Variants in PLCL2 observed in about 807,000 individuals in gnomAD.
PLCL2 encodes the protein inactive phospholipase C-like protein 2.
Under a neutral mutation model 79.6 loss-of-function variants are expected in PLCL2, and 4 were observed. The ratio of observed to expected loss-of-function variants is 0.05; its 90% CI spans 0.02 to 0.11. PLCL2 has a LOEUF of 0.11. Ranked by LOEUF, PLCL2 falls within the 10% of genes least tolerant of loss-of-function variation. The pLI is 1.00. For missense variants in PLCL2, 895 were observed against 1,291.0 expected (o/e 0.69, Z 4.70); for synonymous variants, 484 against 457.7 (o/e 1.06, Z -0.73).
intron 5 of PLCL2, among the ~76,000 whole-genome samples, chr3:17,081,702 A>C (rs897299083): frequency 6.6e-6 from 1 of 152,208 alleles, no homozygotes; most frequent in African/African-American, 2.4e-5. Flanking sequence ...AGCTGCCATC[A>C]TTCTTTTCCT....
chr3:17,029,317 C>A (rs1189174207), intron 3 of PLCL2, among the ~76,000 whole-genome samples: 2 of 151,498 alleles, frequency 1.3e-5, no homozygotes, highest in Non-Finnish European at 2.9e-5. Context: ...ATCTGCAATT[C>A]CCTCCTTAAA....
At chr3:16,982,922 A>G (rs1232788883) in intron 1 of PLCL2, among the ~76,000 whole-genome samples, 1 of 152,202 alleles carries the variant, frequency 6.6e-6, no homozygotes, top group Non-Finnish European at 1.5e-5. Flanking sequence ...CTGTGGCCTC[A>G]CCCATATCTA....
At position 17,005,225 on chromosome 3, in the gene PLCL2, G is replaced by A. The variant is rs560225278; in HGVS notation, c.328-4449G>A. 4.0e-4 allele frequency among the ~76,000 whole-genome samples: 61 copies of A among 152,230 alleles called. 1 individual carries two copies. In the South Asian group the frequency reaches 0.011, roughly 28 times the overall value. On this transcript the variant is annotated intron_variant, in intron 1 of 5. Coordinates refer to ENST00000615277, the MANE Select transcript of PLCL2 (RefSeq NM_001144382.2). ...CAGGAGGTAATTTTCTTCCAGCAGGGCATTAACTATCTGTGTGCCCTTAGA... is the reference window on the plus strand; with the variant it reads ...CAGGAGGTAATTTTCTTCCAGCAGGACATTAACTATCTGTGTGCCCTTAGA...
intron 3 of PLCL2, among the ~76,000 whole-genome samples, chr3:17,032,789 G>A (rs17272789): frequency 2.0e-5 from 3 of 152,126 alleles, no homozygotes; most frequent in African/African-American, 7.2e-5. Context: ...TGGTTATTGA[G>A]TGAATGCAGG....
At chr3:17,038,871 A>G (rs1287676655) in intron 3 of PLCL2, among the ~76,000 whole-genome samples, 3 of 152,150 alleles carry the variant, frequency 2.0e-5, no homozygotes, top group Non-Finnish European at 2.9e-5. Context: ...GTCAAGACCT[A>G]TAATGGTTTT....
chr3:16,924,679 T>C (rs1269086913), intron 1 of PLCL2, among the ~76,000 whole-genome samples: 1 of 152,190 alleles, frequency 6.6e-6, no homozygotes, highest in Non-Finnish European at 1.5e-5. Context: ...TAAAGGTCAT[T>C]GGCAGAGAAA....
intron 1 of PLCL2, chr3:16,933,226 C>T (rs1404508225): frequency 3.2e-5 from 5 of 154,782 alleles, no homozygotes; most frequent in Admixed American, 1.3e-4. Flanking sequence ...GTGACGTGCT[C>T]CATCACCGGG....
At chr3:17,032,322 C>CT (rs1436129769) in intron 3 of PLCL2, among the ~76,000 whole-genome samples, 1 of 152,044 alleles carries the variant, frequency 6.6e-6, no homozygotes, top group Non-Finnish European at 1.5e-5. Flanking sequence ...CCTTTTAAAT[C>CT]TAAGTTTGGT....
chr3:17,012,553 T>C (rs529589472), intron 2 of PLCL2, among the ~76,000 whole-genome samples: 178 of 152,368 alleles, frequency 1.2e-3, no homozygotes, highest in African/African-American at 4.0e-3. Context: ...GTAAAATGGA[T>C]GTGATCCAGT....
chr3:16,899,648 C>A (rs765271588), intron 1 of PLCL2, among the ~76,000 whole-genome samples: 1 of 151,990 alleles, frequency 6.6e-6, no homozygotes, highest in Non-Finnish European at 1.5e-5. Context: ...TATGTCTTTT[C>A]GGGACCAGGG....
rs1200349347 is a variant in PLCL2, at chr3:17,009,053, C to A, written c.328-621C>A. 2.6e-5 allele frequency among the ~76,000 whole-genome samples: 4 copies of A among 151,724 alleles called. No individual in the cohort carries two copies. The highest frequency in any genetic ancestry group is 9.7e-5 in the African/African-American group (4 of 41,246). On this transcript the variant is annotated intron_variant, in intron 1 of 5. Transcript: ENST00000615277. This position sits in a 1 kb window ranked among gnomAD's most constrained non-coding sequence, Gnocchi z 4.0. ...AGGCTGGAGTGCAGTGACACAATCT[C>A]AGCTCACTGCAACCTTTGCCTCACG...
chr3:17,014,283 T>C (rs1259397933), intron 2 of PLCL2, among the ~76,000 whole-genome samples: 1 of 152,228 alleles, frequency 6.6e-6, no homozygotes, highest in Non-Finnish European at 1.5e-5. Context: ...CAAATATTTC[T>C]TTCCCTTTTG....
chr3:16,901,184 T>A (rs1696608865), intron 1 of PLCL2, among the ~76,000 whole-genome samples: 1 of 152,264 alleles, frequency 6.6e-6, no homozygotes, highest in South Asian at 2.1e-4. Context: ...CAGACCTGTT[T>A]GTTCCAATAA....
At chr3:16,891,891 T>A (rs1457676400) in intron 1 of PLCL2, among the ~76,000 whole-genome samples, 1 of 152,200 alleles carries the variant, frequency 6.6e-6, no homozygotes, top group African/African-American at 2.4e-5. Flanking sequence ...ATCTTTAAGG[T>A]TTTCCTCAGT....
At chr3:16,943,428 G>A (rs568596923) in intron 1 of PLCL2, among the ~76,000 whole-genome samples, 1 of 152,294 alleles carries the variant, frequency 6.6e-6, no homozygotes, top group African/African-American at 2.4e-5. Context: ...AAGCTGGGAG[G>A]AGTTTGAGCA....
At chr3:17,076,330 TTG>T (rs1041872048) in intron 5 of PLCL2, among the ~76,000 whole-genome samples, 3 of 151,964 alleles carry the variant, frequency 2.0e-5, no homozygotes, top group African/African-American at 7.3e-5. Flanking sequence ...ATATGTGAAT[TTG>T]TAGTTTTTAA....
At chr3:16,923,008 G>A (rs923721321) in intron 1 of PLCL2, among the ~76,000 whole-genome samples, 3 of 152,116 alleles carry the variant, frequency 2.0e-5, no homozygotes, top group African/African-American at 7.2e-5. Flanking sequence ...TTAAAATATA[G>A]CAACCTCTTT....
At chr3:17,008,080 AGT>A (rs1286990191) in intron 1 of PLCL2, among the ~76,000 whole-genome samples, 2 of 152,206 alleles carry the variant, frequency 1.3e-5, no homozygotes, top group Non-Finnish European at 2.9e-5. Flanking sequence ...AAAGTTGAAC[AGT>A]GCCTTACTGG....
chr3:17,081,775 C>A (rs1211862434), intron 5 of PLCL2, among the ~76,000 whole-genome samples: 1 of 152,224 alleles, frequency 6.6e-6, no homozygotes, highest in African/African-American at 2.4e-5. Flanking sequence ...AAAGCACAGT[C>A]ACGCCAGACT....
Sources: gnomAD v4.1 joint callset for allele counts (sites outside exome capture counted in the v4.1 genomes callset) on GRCh38, gnomAD v4.1.1 for gene constraint, Gnocchi (gnomAD v3.1) non-coding constraint, MANE v1.5 for transcripts, NCBI Gene and HGNC (gene_info 2026-07-23, HGNC 2026-07-21) for gene names.